The following SRD5A3 variants were observed in gnomAD, a reference collection of about 807,000 sequenced individuals.
SRD5A3 encodes polyprenal reductase.
A neutral mutation model predicts 34.3 loss-of-function variants in SRD5A3; 24 were observed. The observed-to-expected ratio is 0.70, with a 90% CI of 0.51 to 0.99. The LOEUF is 0.99. SRD5A3 is among the 50% of genes least tolerant of loss of function. The pLI is 0.00. For missense variants in SRD5A3, 350 were observed against 388.2 expected (o/e 0.90, Z 0.83); for synonymous variants, 161 against 167.3 (o/e 0.96, Z 0.29).
rs138943744 is a variant in SRD5A3 at position 55,364,322 on chromosome 4, C to T, written c.562+51C>T. ...GCTCCCCACCCCAGGGTGTATGATG[C>T]GCTCTCGGGGCTTGTGCTGTGCTAA... On this transcript the variant is annotated intron_variant, in intron 3 of 4. Coordinates refer to ENST00000264228, the MANE Select transcript of SRD5A3 (RefSeq NM_024592.5). The T allele has an allele frequency of 3.7e-5, 59 of 1,583,216 alleles. No individual in the cohort carries two copies. In the East Asian group the frequency reaches 9.8e-4, roughly 26 times the overall value.
chr4:55,354,470 A>G (rs914567522), intron 1 of SRD5A3, among the ~76,000 whole-genome samples: 7 of 152,284 alleles, frequency 4.6e-5, no homozygotes, highest in Middle Eastern at 3.4e-3. Flanking sequence ...ACTCACAGTA[A>G]AAGCCCAAGA....
intron 2 of SRD5A3, 170 bp from the exon 3 acceptor site, chr4:55,363,904 G>A (rs1220137959): frequency 1.4e-6 from 1 of 719,036 alleles, no homozygotes; most frequent in Admixed American, 2.0e-5. Flanking sequence ...AGTGAACTGT[G>A]TAATTTGAGT....
intron 3 of SRD5A3, chr4:55,364,475 C>T: frequency 1.7e-6 from 1 of 600,988 alleles, no homozygotes; most frequent in Non-Finnish European, 3.0e-6. Context: ...CTTTGGGAGG[C>T]TGAGGCAGGT....
chr4:55,363,138 C>T (rs996268779), intron 2 of SRD5A3, among the ~76,000 whole-genome samples: 2 of 152,080 alleles, frequency 1.3e-5, no homozygotes, highest in Non-Finnish European at 2.9e-5. Context: ...TGAGCCATCG[C>T]CCCCGGCCGT....
rs1404588170 is a variant in SRD5A3 at position 55,371,673 on chromosome 4, G to C, written c.*1582G>C. Reference sequence around the variant, plus strand: ...TCCTTTGTTTTTTTTGTTTTTTTGAGATGGAGTCTCACTCTGTCGCCCAGA... The same window carrying C: ...TCCTTTGTTTTTTTTGTTTTTTTGACATGGAGTCTCACTCTGTCGCCCAGA... On this transcript the variant is annotated 3_prime_UTR_variant, in exon 5 of 5. Coordinates refer to ENST00000264228, the MANE Select transcript of SRD5A3 (RefSeq NM_024592.5). 1 of 152,020 alleles carries C rather than the reference G, an allele frequency of 6.6e-6. No individual in the cohort carries two copies. Among genetic ancestry groups the C allele is most frequent in the Admixed American group, 6.6e-5 (1 of 15,266 alleles). 9.4% of individuals were successfully genotyped at this position (152,020 alleles called of 1,614,324 possible). A position where few individuals can be genotyped will look rare whatever the true frequency, so the allele number is the denominator to read the frequency against.
intron 3 of SRD5A3, chr4:55,364,819 G>A (rs542838186): frequency 1.1e-5 from 2 of 175,048 alleles, no homozygotes; most frequent in Admixed American, 1.1e-4. Context: ...TCCTGTGATT[G>A]TTCCCATCAC....
In SRD5A3 at chr4:55,371,024, C is replaced by T. The variant is rs1316253030; in HGVS notation, c.*933C>T. 3 of 152,184 alleles carry T rather than the reference C, an allele frequency of 2.0e-5. No individual in the cohort carries two copies. The highest frequency in any genetic ancestry group is 7.2e-5 in the African/African-American group (3 of 41,442). The allele number at this position is 152,184 out of a possible 1,614,324, so 9.4% of individuals were successfully genotyped here. Reference sequence around the variant, plus strand: ...TCAATATCCATTTCCATTCATCTCCCCCTCAAATCATAGCCTAACAGAACA... The same window carrying T: ...TCAATATCCATTTCCATTCATCTCCTCCTCAAATCATAGCCTAACAGAACA... On this transcript the variant is annotated 3_prime_UTR_variant, in exon 5 of 5. Coordinates refer to ENST00000264228, the MANE Select transcript of SRD5A3 (RefSeq NM_024592.5).
At chr4:55,347,874 C>T (rs1284204946) in intron 1 of SRD5A3, among the ~76,000 whole-genome samples, 2 of 152,152 alleles carry the variant, frequency 1.3e-5, no homozygotes, top group Admixed American at 6.5e-5. Flanking sequence ...TTGATCAAAC[C>T]TCCTGTTTCC....
intron 1 of SRD5A3, among the ~76,000 whole-genome samples, chr4:55,348,337 C>CA (rs542060126): frequency 2.0e-4 from 30 of 151,496 alleles, no homozygotes; most frequent in East Asian, 5.8e-4. Context: ...TTTATTGTGA[C>CA]AAAAAAAAGA....
intron 1 of SRD5A3, among the ~76,000 whole-genome samples, chr4:55,353,416 A>T (rs1225679246): frequency 6.6e-6 from 1 of 152,152 alleles, no homozygotes; most frequent in African/African-American, 2.4e-5. Flanking sequence ...CGGACCAATC[A>T]GCACTCTGTA....
chr4:55,354,992 C>T (rs551787082), intron 1 of SRD5A3, among the ~76,000 whole-genome samples: 18 of 152,258 alleles, frequency 1.2e-4, no homozygotes, highest in African/African-American at 4.3e-4. Context: ...ATAAGGATCA[C>T]CTTACCCCTG....
chr4:55,356,000 A>ATTTTTTTTTTTTTTTTTTTTT (rs10648522), intron 1 of SRD5A3, among the ~76,000 whole-genome samples: 3 of 74,264 alleles, frequency 4.0e-5, no homozygotes, highest in Non-Finnish European at 4.6e-5. Context: ...TTTTGCCTCC[A>ATTTTTTTTTTTTTTTTTTTTT]TTTTTTTTTT....
intron 1 of SRD5A3, among the ~76,000 whole-genome samples, chr4:55,352,946 G>A (rs1719252477): frequency 6.6e-6 from 1 of 152,202 alleles, no homozygotes; most frequent in African/African-American, 2.4e-5. Flanking sequence ...ATGGGGTGGG[G>A]GAAACAGTAG....
At chr4:55,360,348 A>C (rs1283784432) in intron 2 of SRD5A3, among the ~76,000 whole-genome samples, 1 of 151,658 alleles carries the variant, frequency 6.6e-6, no homozygotes, top group Non-Finnish European at 1.5e-5. Context: ...CTCTACTAAA[A>C]ATACAAAAAT....
intron 1 of SRD5A3, among the ~76,000 whole-genome samples, chr4:55,355,165 C>A (rs1036892673): frequency 6.6e-6 from 1 of 152,036 alleles, no homozygotes; most frequent in South Asian, 2.1e-4. Flanking sequence ...TCTAAAGAAT[C>A]GAAAATGTAT....
intron 2 of SRD5A3, among the ~76,000 whole-genome samples, chr4:55,359,939 G>A (rs7659446): frequency 0.037 from 5,689 of 152,292 alleles, 339 homozygotes; most frequent in African/African-American, 0.13. Context: ...TCTGTCGGGT[G>A]CGGTGGCTCA....
intron 2 of SRD5A3, among the ~76,000 whole-genome samples, chr4:55,363,339 A>G (rs1205709527): frequency 6.6e-6 from 1 of 152,108 alleles, no homozygotes; most frequent in Non-Finnish European, 1.5e-5. Context: ...GGAAGCTGAG[A>G]CAGAGGATCA....
intron 2 of SRD5A3, among the ~76,000 whole-genome samples, chr4:55,363,143 G>C (rs1389581562): frequency 6.6e-6 from 1 of 150,400 alleles, no homozygotes; most frequent in Non-Finnish European, 1.5e-5. Flanking sequence ...CATCGCCCCC[G>C]GCCGTGACTC....
At chr4:55,346,696 G>A in intron 1 of SRD5A3, 139 bp downstream of exon 1, 1 of 771,234 alleles carries the variant, frequency 1.3e-6, no homozygotes, top group Non-Finnish European at 1.9e-6. Flanking sequence ...GCGCAGCACG[G>A]CGCTCCCTCG....
Sources: gnomAD v4.1 joint callset for allele counts (sites outside exome capture counted in the v4.1 genomes callset) on GRCh38, gnomAD v4.1.1 for gene constraint, MANE v1.5 for transcripts, NCBI Gene and HGNC (gene_info 2026-07-23, HGNC 2026-07-21) for gene names.